The following CRACD variants were observed in gnomAD, a reference collection of about 807,000 sequenced individuals.
CRACD encodes capping protein inhibiting regulator of actin dynamics.
A neutral mutation model predicts 106.8 loss-of-function variants in CRACD; 56 were observed. The ratio of observed to expected loss-of-function variants is 0.52; its 90% CI spans 0.42 to 0.66. CRACD has a LOEUF of 0.66. CRACD is among the 30% of genes least tolerant of loss of function. The pLI, the probability that CRACD is intolerant of heterozygous loss-of-function variation, is 0.00. For synonymous variants in CRACD, 754 were observed against 670.8 expected, an observed-to-expected ratio of 1.12 and a Z score of -1.92; for missense variants, 1,730 against 1,623.2, an observed-to-expected ratio of 1.07 and a Z score of -1.13.
chr4:56,196,740 A>C (rs1737631960), intron 2 of CRACD, among the ~76,000 whole-genome samples: 1 of 152,206 alleles, frequency 6.6e-6, no homozygotes, highest in African/African-American at 2.4e-5. Context: ...AAGAAGCAAT[A>C]AATTAGAAAG....
chr4:56,314,028 T>C lies in CRACD; in HGVS notation c.538-12T>C. The C allele has an allele frequency of 1.2e-6, 2 of 1,607,760 alleles. No individual in the cohort carries two copies. The highest frequency in any genetic ancestry group is 1.7e-5 in the Admixed American group (1 of 58,884). ...AGCAAAAGGCTAATTGTGTTTTCCT[T>C]TCCAATGTTAGGATCCACAACATGA... On this transcript the variant is annotated splice_polypyrimidine_tract_variant and intron_variant, in intron 7 of 10. Transcript: ENST00000682029. This position sits in a 1 kb window ranked among gnomAD's most constrained non-coding sequence, Gnocchi z 4.4.
At chr4:56,155,530 G>A (rs932961038) in intron 1 of CRACD, among the ~76,000 whole-genome samples, 7 of 152,162 alleles carry the variant, frequency 4.6e-5, no homozygotes, top group Admixed American at 3.9e-4. Flanking sequence ...TATTTGCCAG[G>A]TACTGTTTTA....
intron 1 of CRACD, among the ~76,000 whole-genome samples, chr4:56,051,887 C>T (rs544252353): frequency 6.6e-6 from 1 of 152,106 alleles, no homozygotes; most frequent in Non-Finnish European, 1.5e-5. Context: ...ATCTAAGCCT[C>T]AGTTTCCTCA....
chr4:56,096,368 C>T (rs767775684), intron 1 of CRACD, among the ~76,000 whole-genome samples: 8 of 152,000 alleles, frequency 5.3e-5, no homozygotes, highest in South Asian at 4.2e-4. Flanking sequence ...CAAAAGCCTG[C>T]GAAGTAGTGA....
chr4:56,096,169 T>G (rs1337233142), intron 1 of CRACD, among the ~76,000 whole-genome samples: 3 of 152,120 alleles, frequency 2.0e-5, no homozygotes, highest in Admixed American at 2.0e-4. Context: ...AGCTGGAATC[T>G]TAGGGAGAGA....
intron 1 of CRACD, among the ~76,000 whole-genome samples, chr4:56,131,923 T>C (rs145154432): frequency 2.0e-5 from 3 of 152,338 alleles, no homozygotes; most frequent in Admixed American, 2.0e-4. Context: ...GATACTTTGC[T>C]TTTCTGATGT....
chr4:56,300,588 T>G (rs1421118939), intron 4 of CRACD, among the ~76,000 whole-genome samples: 1 of 152,214 alleles, frequency 6.6e-6, no homozygotes, highest in Non-Finnish European at 1.5e-5. Flanking sequence ...ATATTATTCC[T>G]AAGAAGTTGT....
intron 1 of CRACD, among the ~76,000 whole-genome samples, chr4:56,106,270 C>T (rs1490068961): frequency 2.0e-5 from 3 of 152,172 alleles, no homozygotes; most frequent in African/African-American, 4.8e-5. Context: ...TAGACTTCCC[C>T]TGCATGAGGC....
intron 8 of CRACD, among the ~76,000 whole-genome samples, chr4:56,317,017 G>A (rs114950499): frequency 6.6e-6 from 1 of 152,146 alleles, no homozygotes; most frequent in Non-Finnish European, 1.5e-5. Context: ...GTCAGCAAGG[G>A]TTGCAAAATG....
At chr4:56,160,368 G>C (rs1376397928) in intron 1 of CRACD, among the ~76,000 whole-genome samples, 9 of 151,670 alleles carry the variant, frequency 5.9e-5, no homozygotes, top group Admixed American at 5.3e-4. Flanking sequence ...TATTTTTGTA[G>C]AGACAGGGTC....
chr4:56,327,721 C>G lies in CRACD; in HGVS notation c.3619C>G (p.Pro1207Ala). ...GAGGTTTTCCACCCCGGATGCTGCC[C>G]CCGTGTCAACAGAACCAGCCTGGCT... is the stretch of plus-strand genomic sequence containing the variant. ...TKRFSTPDAAPVSTEPAWLAL... is the reference protein window; with the variant it reads ...TKRFSTPDAAAVSTEPAWLAL... The change falls in exon 11 of 11, where the codon CCC (proline) becomes GCC (alanine). Residue 1207 changes from proline (P) to alanine (A), a missense_variant. Physicochemically the swap from Pro to Ala is conservative, Grantham distance 27 (BLOSUM62 -1). Transcript: ENST00000682029. 6.2e-7 allele frequency: 1 copy of G among 1,614,112 alleles called. No homozygotes were observed. The highest frequency in any genetic ancestry group is 8.5e-7 in the Non-Finnish European group (1 of 1,180,002).
chr4:56,117,098 G>A (rs183842443), intron 1 of CRACD, among the ~76,000 whole-genome samples: 101 of 145,832 alleles, frequency 6.9e-4, no homozygotes, highest in Non-Finnish European at 1.2e-3. Flanking sequence ...TCTGCTCACT[G>A]CAAGCTCTGC....
intron 2 of CRACD, among the ~76,000 whole-genome samples, chr4:56,222,989 A>C (rs1019146903): frequency 9.9e-5 from 15 of 151,868 alleles, no homozygotes; most frequent in Non-Finnish European, 2.9e-5. Flanking sequence ...AAACAAACAA[A>C]AAAATTAATT....
intron 1 of CRACD, among the ~76,000 whole-genome samples, chr4:56,131,421 C>T (rs1734820199): frequency 6.6e-6 from 1 of 152,150 alleles, no homozygotes; most frequent in Admixed American, 6.5e-5. Context: ...TTGGTCAGGT[C>T]ATCTAAAGAT....
At chr4:56,244,522 T>C (rs1740566611) in intron 2 of CRACD, among the ~76,000 whole-genome samples, 1 of 152,226 alleles carries the variant, frequency 6.6e-6, no homozygotes, top group Admixed American at 6.5e-5. Context: ...ATGTATTTTT[T>C]ACTTTATTGC....
At chr4:56,287,577 G>A (rs1001452427) in intron 3 of CRACD, among the ~76,000 whole-genome samples, 2 of 151,994 alleles carry the variant, frequency 1.3e-5, no homozygotes, top group African/African-American at 2.4e-5. Context: ...CACTGTGCCC[G>A]GCGAACCTGG....
chr4:56,119,605 G>C (rs979260771), intron 1 of CRACD, among the ~76,000 whole-genome samples: 1 of 152,016 alleles, frequency 6.6e-6, no homozygotes, highest in African/African-American at 2.4e-5. Flanking sequence ...AAAGTACTGG[G>C]ATTACAGCTG....
chr4:56,272,100 C>T (rs987889568), intron 2 of CRACD, among the ~76,000 whole-genome samples: 2 of 152,190 alleles, frequency 1.3e-5, no homozygotes, highest in African/African-American at 2.4e-5. Context: ...GGGGGACAGA[C>T]GATTCACCAT....
chr4:56,294,936 T>A (rs77167983), intron 3 of CRACD, among the ~76,000 whole-genome samples: 4,890 of 77,940 alleles, frequency 0.063, no homozygotes, highest in Middle Eastern at 0.12. Context: ...AAAAAAAAAG[T>A]AAAAAGAAAA....
Sources: gnomAD v4.1 joint callset for allele counts (sites outside exome capture counted in the v4.1 genomes callset) on GRCh38, gnomAD v4.1.1 for gene constraint, Gnocchi (gnomAD v3.1) non-coding constraint, MANE v1.5 for transcripts, NCBI Gene and HGNC (gene_info 2026-07-23, HGNC 2026-07-21) for gene names.